DLG2: variants seen among roughly 807,000 people sequenced by gnomAD.
The protein encoded by DLG2 is discs large MAGUK scaffold protein 2, also known as disks large homolog 2.
Under a neutral mutation model 132.5 loss-of-function variants are expected in DLG2, and 45 were observed. That is an observed-to-expected ratio of 0.34 (90% CI 0.27 to 0.44). The LOEUF (loss-of-function observed/expected upper bound fraction) is 0.44. DLG2 is among the 20% of genes least tolerant of loss of function. The pLI is 1.00. For synonymous variants in DLG2, 424 were observed against 419.6 expected, an observed-to-expected ratio of 1.01 and a Z score of -0.13; for missense variants, 1,045 against 1,196.9, an observed-to-expected ratio of 0.87 and a Z score of 1.87.
At chr11:83,636,803 C>T (rs144699981) in intron 18 of DLG2, among the ~76,000 whole-genome samples, 29 of 152,250 alleles carry the variant, frequency 1.9e-4, no homozygotes, top group African/African-American at 6.3e-4. Context: ...GACTGCATGA[C>T]ATTCTATGGT....
chr11:84,773,757 T>C (rs545777439), intron 6 of DLG2, among the ~76,000 whole-genome samples: 3 of 152,140 alleles, frequency 2.0e-5, no homozygotes, highest in Non-Finnish European at 4.4e-5. Flanking sequence ...ATAATGACCC[T>C]CAACAAACTA....
chr11:83,628,028 G>T (rs1358508272), intron 19 of DLG2, among the ~76,000 whole-genome samples: 2 of 152,134 alleles, frequency 1.3e-5, no homozygotes, highest in Non-Finnish European at 2.9e-5. Context: ...AGAAGTGTCT[G>T]TTCATATCCT....
At position 83,568,963 on chromosome 11, in the gene DLG2, C is replaced by T. The variant is rs139704104; in HGVS notation, c.1941-27105G>A. ...ATAATCATTTACTTTCCTGTTTCTTCGATTTATTAATGAGAAATCAAATCA... is the reference window on the plus strand; with the variant it reads ...ATAATCATTTACTTTCCTGTTTCTTTGATTTATTAATGAGAAATCAAATCA... On this transcript the variant is annotated intron_variant, in intron 19 of 27. Transcript: ENST00000376104. Among the ~76,000 whole-genome samples, 91 of 152,246 alleles carry T rather than the reference C, an allele frequency of 6.0e-4. 1 individual carries two copies. Among genetic ancestry groups the T allele is most frequent in the African/African-American group, 1.9e-3 (80 of 41,566 alleles).
intron 6 of DLG2, among the ~76,000 whole-genome samples, chr11:84,777,324 T>TAC (rs1555216561): frequency 0.071 from 7,382 of 104,662 alleles, 356 homozygotes; most frequent in Admixed American, 0.089. Context: ...TATATATATA[T>TAC]ACGTTTTCTT....
chr11:84,813,800 A>T (rs905704647), intron 6 of DLG2, among the ~76,000 whole-genome samples: 1 of 152,008 alleles, frequency 6.6e-6, no homozygotes. Context: ...TGGTGATTAC[A>T]AACCTAATAG....
intron 6 of DLG2, among the ~76,000 whole-genome samples, chr11:85,069,268 A>C (rs1399434685): frequency 6.6e-6 from 1 of 152,162 alleles, no homozygotes; most frequent in Non-Finnish European, 1.5e-5. Flanking sequence ...TAAAACACCA[A>C]AAGCAATGGC....
At chr11:84,433,678 T>C (rs1040938597) in intron 7 of DLG2, among the ~76,000 whole-genome samples, 4 of 152,218 alleles carry the variant, frequency 2.6e-5, no homozygotes, top group African/African-American at 9.6e-5. Context: ...TCTTTGACTT[T>C]TTTCAAAAAG....
chr11:83,755,987 C>T (rs2093628575), intron 18 of DLG2, among the ~76,000 whole-genome samples: 1 of 151,274 alleles, frequency 6.6e-6, no homozygotes, highest in Non-Finnish European at 1.5e-5. Flanking sequence ...GGTCCTACTG[C>T]ATATACTTTT....
intron 17 of DLG2, among the ~76,000 whole-genome samples, chr11:83,813,340 T>C (rs895050333): frequency 1.3e-5 from 2 of 152,176 alleles, no homozygotes; most frequent in African/African-American, 4.8e-5. Context: ...AAATTTCATT[T>C]CCAACATTTT....
At chr11:84,128,169 G>A (rs1044702924) in intron 9 of DLG2, among the ~76,000 whole-genome samples, 2 of 152,150 alleles carry the variant, frequency 1.3e-5, no homozygotes, top group Non-Finnish European at 2.9e-5. Flanking sequence ...AATAGGGGTA[G>A]AGAGTTGGAT....
intron 8 of DLG2, among the ~76,000 whole-genome samples, chr11:84,235,448 G>C (rs1265207544): frequency 6.6e-6 from 1 of 151,956 alleles, no homozygotes; most frequent in Non-Finnish European, 1.5e-5. Flanking sequence ...AGAGCCTAAG[G>C]CAGAAGGATC....
chr11:84,823,846 A>G (rs993562146), intron 6 of DLG2, among the ~76,000 whole-genome samples: 2 of 151,890 alleles, frequency 1.3e-5, no homozygotes, highest in Admixed American at 6.6e-5. Flanking sequence ...AAACCACACA[A>G]AGATACAATT....
intron 7 of DLG2, among the ~76,000 whole-genome samples, chr11:84,495,616 T>C (rs1422112264): frequency 6.6e-6 from 1 of 152,186 alleles, no homozygotes; most frequent in Non-Finnish European, 1.5e-5. Flanking sequence ...TCAGTTATCA[T>C]CTATTTTGGG....
At chr11:84,486,304 A>G (rs181586152) in intron 7 of DLG2, among the ~76,000 whole-genome samples, 1 of 152,294 alleles carries the variant, frequency 6.6e-6, no homozygotes, top group Admixed American at 6.5e-5. Flanking sequence ...CCATAAGTTC[A>G]TCTGTCCCAA....
intron 17 of DLG2, among the ~76,000 whole-genome samples, chr11:83,811,266 T>C (rs769816081): frequency 6.6e-6 from 1 of 152,154 alleles, no homozygotes; most frequent in Non-Finnish European, 1.5e-5. Context: ...TTAAGCACCC[T>C]TTTCAAATCA....
At chr11:85,541,600 C>A (rs1256516704) in intron 3 of DLG2, among the ~76,000 whole-genome samples, 2 of 151,898 alleles carry the variant, frequency 1.3e-5, no homozygotes, top group East Asian at 3.9e-4. Flanking sequence ...TACAAAACTA[C>A]TACTGATTTG....
rs1228698441 is a variant in DLG2, at chr11:83,618,998, CT to C, written c.1940+14212del. On this transcript the variant is annotated intron_variant, in intron 19 of 27. Transcript: ENST00000376104. ...ACATGTCTGATTCATCTTTTTACCC[CT>C]GACAGCATCCTATGTAGTATTTTAT... Among the ~76,000 whole-genome samples the C allele has an allele frequency of 2.6e-5, 4 of 152,298 alleles. No individual in the cohort carries two copies. In the East Asian group the frequency reaches 7.7e-4, roughly 29 times the overall value.
intron 26 of DLG2, among the ~76,000 whole-genome samples, chr11:83,462,836 A>C (rs539953360): frequency 3.3e-4 from 50 of 152,202 alleles, no homozygotes; most frequent in Non-Finnish European, 5.3e-4. Flanking sequence ...AAAAGGCTCA[A>C]GGATAAATCA....
At chr11:84,372,475 C>T (rs1241821581) in intron 7 of DLG2, among the ~76,000 whole-genome samples, 2 of 152,268 alleles carry the variant, frequency 1.3e-5, no homozygotes, top group East Asian at 1.9e-4. Flanking sequence ...CTTTGCCCTA[C>T]AGCAAATCCA....
Sources: allele counts gnomAD v4.1 joint callset (sites outside exome capture counted in the v4.1 genomes callset), GRCh38; gene constraint gnomAD v4.1.1; transcripts MANE v1.5; gene names NCBI Gene and HGNC (gene_info 2026-07-23, HGNC 2026-07-21).